Variants in PAICS observed in about 807,000 individuals in gnomAD.
PAICS encodes the protein phosphoribosylaminoimidazole carboxylase and phosphoribosylaminoimidazolesuccinocarboxamide synthase, also known as bifunctional phosphoribosylaminoimidazole carboxylase/phosphoribosylaminoimidazole succinocarboxamide synthetase.
In PAICS, 33 loss-of-function variants were observed where a neutral mutation model predicts 53.7. That is an observed-to-expected ratio of 0.61 (90% CI 0.47 to 0.82). The LOEUF (loss-of-function observed/expected upper bound fraction) is 0.82. PAICS is among the 40% of genes least tolerant of loss of function. The pLI, the probability that PAICS is intolerant of heterozygous loss-of-function variation, is 0.00. For missense variants in PAICS, 394 were observed against 494.1 expected (o/e 0.80, Z 1.92); for synonymous variants, 141 against 167.2 (o/e 0.84, Z 1.21).
intron 2 of PAICS, among the ~76,000 whole-genome samples, chr4:56,445,823 G>T (rs1718587071): frequency 6.6e-6 from 1 of 152,188 alleles, no homozygotes; most frequent in Non-Finnish European, 1.5e-5. Flanking sequence ...TCAAACCCAT[G>T]TAGGTTTCCA....
At chr4:56,412,924 AT>A in the PAICS span, among the ~76,000 whole-genome samples, 1 of 152,224 alleles carries the variant, frequency 6.6e-6, no homozygotes. Context: ...TGCATTAAAA[AT>A]AATCTTTAAA....
chr4:56,451,302 A>G (rs1343361228), intron 6 of PAICS: 1 of 152,754 alleles, frequency 6.5e-6, no homozygotes, highest in Non-Finnish European at 1.5e-5. Flanking sequence ...ACTCACCTGC[A>G]CTGCTAGTCA....
the PAICS span, chr4:56,419,777 G>C: frequency 1.0e-6 from 1 of 984,842 alleles, no homozygotes; most frequent in Non-Finnish European, 1.2e-6. Context: ...TGAGAAATAA[G>C]AGGATATTTC....
the PAICS span, among the ~76,000 whole-genome samples, chr4:56,412,993 T>C: frequency 8.4e-6 from 1 of 118,476 alleles, no homozygotes; most frequent in Non-Finnish European, 1.8e-5. Flanking sequence ...GGTTCCATAA[T>C]ATTTAACTGA....
chr4:56,430,118 C>T, the PAICS span, among the ~76,000 whole-genome samples: 1 of 152,086 alleles, frequency 6.6e-6, no homozygotes, highest in Non-Finnish European at 1.5e-5. Flanking sequence ...AATAAATAAA[C>T]GTATATCCCA....
intron 1 of PAICS, 136 bp downstream of exon 1, chr4:56,436,464 G>GCGGGC: frequency 1.3e-6 from 1 of 772,612 alleles, no homozygotes; most frequent in Non-Finnish European, 2.3e-6. Flanking sequence ...GCGCACACGT[G>GCGGGC]GCCCAGGCGC....
At chr4:56,449,826 A>T (rs2110091127) in intron 5 of PAICS, among the ~76,000 whole-genome samples, 1 of 150,312 alleles carries the variant, frequency 6.7e-6, no homozygotes, top group South Asian at 2.1e-4. Flanking sequence ...AAAAAAAAAA[A>T]TTAGCCAGGC....
the PAICS span, chr4:56,421,584 G>T: frequency 6.6e-6 from 1 of 152,204 alleles, no homozygotes; most frequent in African/African-American, 2.4e-5. Flanking sequence ...TTATTATCTG[G>T]CTTAAATGAT....
At chr4:56,419,082 T>A in the PAICS span, among the ~76,000 whole-genome samples, 1 of 152,214 alleles carries the variant, frequency 6.6e-6, no homozygotes, top group East Asian at 1.9e-4. Context: ...CACATTAGAT[T>A]CACAGTCTGG....
the PAICS span, among the ~76,000 whole-genome samples, chr4:56,429,276 T>C: frequency 1.3e-5 from 2 of 152,326 alleles, no homozygotes; most frequent in African/African-American, 4.8e-5. Context: ...TGCCCGGAGT[T>C]AGGTAACTGT....
chr4:56,446,616 TAG>T, intron 2 of PAICS, 77 bp from the exon 3 acceptor site: 1 of 810,694 alleles, frequency 1.2e-6, no homozygotes, highest in Non-Finnish European at 2.0e-6. Context: ...TTGTAAAGGG[TAG>T]AGTTTTATTG....
upstream of PAICS, chr4:56,435,361 C>G: frequency 6.2e-7 from 1 of 1,613,788 alleles, no homozygotes; most frequent in Non-Finnish European, 8.5e-7. Context: ...GGTGCTGCAG[C>G]CCCACGAGTC....
Position 56,464,510 on chromosome 4 carries a change from C to A in PAICS, c.*4972C>A, listed in dbSNP as rs1578167351. On this transcript the variant is annotated 3_prime_UTR_variant, in exon 9 of 9. Transcript: ENST00000512576. ...ATAATTTTCTTCAGCAAACTTATTA[C>A]CACCAAACATAGTACATGTTTATTT... 1 of 152,156 alleles carries A rather than the reference C, an allele frequency of 6.6e-6. No individual in the cohort carries two copies. Among genetic ancestry groups the A allele is most frequent in the African/African-American group, 2.4e-5 (1 of 41,434 alleles). 9.4% of individuals were successfully genotyped at this position (152,156 alleles called of 1,614,324 possible).
At chr4:56,413,271 C>T in the PAICS span, among the ~76,000 whole-genome samples, 4,075 of 152,214 alleles carry the variant, frequency 0.027, 203 homozygotes, top group African/African-American at 0.092. Flanking sequence ...ATTCTCCTGC[C>T]TCAGCCTCCT....
At chr4:56,456,498 C>A (rs1460983114) in intron 8 of PAICS, among the ~76,000 whole-genome samples, 1 of 152,088 alleles carries the variant, frequency 6.6e-6, no homozygotes, top group Non-Finnish European at 1.5e-5. Flanking sequence ...CCCTTGAACT[C>A]CCCGGGCTCA....
chr4:56,413,221 G>A, the PAICS span, among the ~76,000 whole-genome samples: 1 of 152,152 alleles, frequency 6.6e-6, no homozygotes, highest in Non-Finnish European at 1.5e-5. Context: ...GTGCAGTGGT[G>A]CAATCTCAGC....
At chr4:56,435,601 G>C, upstream of PAICS, 1 of 1,539,132 alleles carries the variant, frequency 6.5e-7, no homozygotes. Flanking sequence ...CTTCCCGAGG[G>C]TGGCCCCAGC....
At chr4:56,440,022 A>G (rs1718256387) in intron 1 of PAICS, among the ~76,000 whole-genome samples, 1 of 152,236 alleles carries the variant, frequency 6.6e-6, no homozygotes, top group South Asian at 2.1e-4. Context: ...TTGTCCATAC[A>G]GAAGCCGTAA....
At chr4:56,418,968 G>A in the PAICS span, among the ~76,000 whole-genome samples, 2 of 152,300 alleles carry the variant, frequency 1.3e-5, no homozygotes, top group East Asian at 1.9e-4. Context: ...ATTTAAAATG[G>A]CTTTAGTCTT....
Sources: allele counts gnomAD v4.1 joint callset (sites outside exome capture counted in the v4.1 genomes callset), GRCh38; gene constraint gnomAD v4.1.1; transcripts MANE v1.5; gene names NCBI Gene and HGNC (gene_info 2026-07-23, HGNC 2026-07-21).